The following PLCZ1 variants were observed in gnomAD, a reference collection of about 807,000 sequenced individuals.
PLCZ1 encodes the protein 1-phosphatidylinositol 4,5-bisphosphate phosphodiesterase zeta-1.
Under a neutral mutation model 76.8 loss-of-function variants are expected in PLCZ1, and 64 were observed. The ratio of observed to expected loss-of-function variants is 0.83; its 90% CI spans 0.68 to 1.03. PLCZ1 has a LOEUF of 1.03. PLCZ1 is among the 50% of genes least tolerant of loss of function. PLCZ1 has a pLI of 0.00. For synonymous variants in PLCZ1, 248 were observed against 230.8 expected, an observed-to-expected ratio of 1.07 and a Z score of -0.68; for missense variants, 751 against 713.7, an observed-to-expected ratio of 1.05 and a Z score of -0.60.
At chr12:18,728,493 GT>G (rs1272234317) in intron 3 of PLCZ1, among the ~76,000 whole-genome samples, 1 of 152,108 alleles carries the variant, frequency 6.6e-6, no homozygotes, top group Non-Finnish European at 1.5e-5. Context: ...CTCAGGAAAA[GT>G]TTGTAATGTA....
At chr12:18,646,535 G>A in the PLCZ1 span, among the ~76,000 whole-genome samples, 1 of 152,128 alleles carries the variant, frequency 6.6e-6, no homozygotes, top group African/African-American at 2.4e-5. Flanking sequence ...TGAAAGGTAA[G>A]CCTATGCTGT....
intron 13 of PLCZ1, among the ~76,000 whole-genome samples, chr12:18,685,845 C>A (rs976742503): frequency 5.8e-5 from 2 of 34,604 alleles, no homozygotes; most frequent in African/African-American, 1.1e-4. Flanking sequence ...CACACACACG[C>A]GCACACACAC....
At chr12:18,701,386 TAG>T (rs1164414858) in intron 9 of PLCZ1, 113 bp downstream of exon 9, 1 of 1,539,530 alleles carries the variant, frequency 6.5e-7, no homozygotes, top group Non-Finnish European at 8.8e-7. Flanking sequence ...AATGATAGAC[TAG>T]AGTTTTTATA....
At chr12:18,687,935 T>A (rs1953408811) in intron 13 of PLCZ1, among the ~76,000 whole-genome samples, 154 bp downstream of exon 13, 1 of 152,086 alleles carries the variant, frequency 6.6e-6, no homozygotes, top group Non-Finnish European at 1.5e-5. Flanking sequence ...TAAAAATGTT[T>A]TTGTTGCATA....
intron 6 of PLCZ1, 30 bp from the exon 7 acceptor site, chr12:18,705,345 C>A (rs763053995): frequency 6.2e-7 from 1 of 1,611,284 alleles, no homozygotes; most frequent in Non-Finnish European, 8.5e-7. Flanking sequence ...TATGGTTATT[C>A]ATCAAAACTT....
chr12:18,657,655 G>A, the PLCZ1 span, among the ~76,000 whole-genome samples: 2 of 152,136 alleles, frequency 1.3e-5, no homozygotes, highest in East Asian at 3.9e-4. Flanking sequence ...TCAGTTCAGA[G>A]AAGGCACTAA....
At chr12:18,656,427 A>G in the PLCZ1 span, among the ~76,000 whole-genome samples, 2 of 151,982 alleles carry the variant, frequency 1.3e-5, no homozygotes, top group Non-Finnish European at 2.9e-5. Flanking sequence ...TTAGCTGGGC[A>G]TGGTGGCGGG....
At chr12:18,707,537 C>G (rs975499478) in intron 6 of PLCZ1, among the ~76,000 whole-genome samples, 1 of 152,150 alleles carries the variant, frequency 6.6e-6, no homozygotes, top group Non-Finnish European at 1.5e-5. Context: ...GTTTGCCCCC[C>G]ATTTCCTTAC....
Position 18,717,963 on chromosome 12 carries a change from C to T in PLCZ1, c.569+1468G>A, listed in dbSNP as rs546450950. ...TACTCCGTCGCACGATGTTGAGCAGCAGCAGTGAGCTACAGATCCCACTCA... is the reference window on the plus strand; with the variant it reads ...TACTCCGTCGCACGATGTTGAGCAGTAGCAGTGAGCTACAGATCCCACTCA... On this transcript the variant is annotated intron_variant, in intron 5 of 14. Transcript: ENST00000266505. Among the ~76,000 whole-genome samples the T allele has an allele frequency of 5.8e-4, 89 of 152,218 alleles. 1 individual carries two copies. Among genetic ancestry groups the T allele is most frequent in the Middle Eastern group, 3.4e-3 (1 of 294 alleles).
intron 5 of PLCZ1, among the ~76,000 whole-genome samples, chr12:18,715,079 T>C (rs1957779644): frequency 6.7e-6 from 1 of 149,988 alleles, no homozygotes; most frequent in Admixed American, 6.7e-5. Flanking sequence ...AGTACTTAGG[T>C]AAGAGCATAG....
chr12:18,700,249 T>A (rs1021467250), intron 9 of PLCZ1, among the ~76,000 whole-genome samples: 3 of 152,006 alleles, frequency 2.0e-5, no homozygotes, highest in African/African-American at 7.2e-5. Flanking sequence ...ATTTTATAAT[T>A]TTAGGAATTT....
intron 3 of PLCZ1, among the ~76,000 whole-genome samples, chr12:18,727,454 A>C (rs961835283): frequency 2.0e-5 from 3 of 152,198 alleles, no homozygotes; most frequent in Non-Finnish European, 2.9e-5. Flanking sequence ...CTTTATAGAA[A>C]AAGTGATCCT....
chr12:18,650,345 ATATGTGTG>A, the PLCZ1 span, among the ~76,000 whole-genome samples: 142 of 127,728 alleles, frequency 1.1e-3, 1 homozygote, highest in African/African-American at 5.0e-3. Context: ...ATATATATAT[ATATGTGTG>A]TGTGTGTGTG....
chr12:18,681,614 T>C (rs1952425032), downstream of PLCZ1, among the ~76,000 whole-genome samples: 1 of 151,942 alleles, frequency 6.6e-6, no homozygotes, highest in African/African-American at 2.4e-5. Context: ...AATTTTAAAA[T>C]GGAACCAAAA....
the PLCZ1 span, among the ~76,000 whole-genome samples, chr12:18,656,156 C>T: frequency 1.3e-5 from 2 of 152,142 alleles, no homozygotes; most frequent in African/African-American, 2.4e-5. Context: ...ATGCTGGGCA[C>T]AGTGGCTCAC....
the PLCZ1 span, among the ~76,000 whole-genome samples, chr12:18,645,906 T>G: frequency 6.6e-6 from 1 of 152,180 alleles, no homozygotes; most frequent in Non-Finnish European, 1.5e-5. Context: ...AGTCACACTT[T>G]GAGGGTTCCT....
At chr12:18,692,902 G>T in intron 12 of PLCZ1, 1 of 1,601,376 alleles carries the variant, frequency 6.2e-7, no homozygotes. Flanking sequence ...AAAACAAAGG[G>T]ACCAGATGCT....
At chr12:18,658,965 A>T in the PLCZ1 span, among the ~76,000 whole-genome samples, 1 of 152,118 alleles carries the variant, frequency 6.6e-6, no homozygotes. Flanking sequence ...TGGTGAAGAT[A>T]TTATAATCAT....
rs764757392 is a variant in PLCZ1 at position 18,688,197 on chromosome 12, G to A, written c.1483C>T (p.Pro495Ser). The change falls in exon 13 of 15, where the codon CCT (proline) becomes TCT (serine). Residue 495 changes from proline to serine, a missense_variant. By Grantham distance (74) the Pro-to-Ser change is moderately conservative. Coordinates refer to ENST00000266505, the MANE Select transcript of PLCZ1 (RefSeq NM_033123.4). ...TTGTTAGATGATGAATGAGTAAGAG[G>A]CAACTGGATACCACTGATGAGCTGC... ...TIRLISGIQL[P>S]LTHSSSNKGD... The A allele has an allele frequency of 6.2e-7, 1 of 1,609,916 alleles. No homozygotes were observed. Among genetic ancestry groups the A allele is most frequent in the Non-Finnish European group, 8.5e-7 (1 of 1,178,266 alleles).
Sources: gnomAD v4.1 joint callset for allele counts (sites outside exome capture counted in the v4.1 genomes callset) on GRCh38, gnomAD v4.1.1 for gene constraint, MANE v1.5 for transcripts, NCBI Gene and HGNC (gene_info 2026-07-23, HGNC 2026-07-21) for gene names.